EIF4G3: variants seen among roughly 807,000 people sequenced by gnomAD.
EIF4G3 encodes the protein eukaryotic translation initiation factor 4 gamma 3.
EIF4G3 carries 34 observed loss-of-function variants against 186.4 expected under a neutral mutation model. The observed-to-expected ratio is 0.18, with a 90% CI of 0.14 to 0.24. The LOEUF (loss-of-function observed/expected upper bound fraction) is 0.24. Among genes scored for constraint, EIF4G3 ranks in the 10% least tolerant of loss-of-function variants. EIF4G3 has a pLI of 1.00. For missense variants in EIF4G3, 1,536 were observed against 1,948.5 expected (o/e 0.79, Z 3.99); for synonymous variants, 673 against 679.5 (o/e 0.99, Z 0.15).
At chr1:20,899,357 G>A (rs975830052) in intron 16 of EIF4G3, among the ~76,000 whole-genome samples, 7 of 152,122 alleles carry the variant, frequency 4.6e-5, no homozygotes, top group East Asian at 1.9e-4. Flanking sequence ...ACGCCATCTC[G>A]AGGAATGTGG....
intron 2 of EIF4G3, among the ~76,000 whole-genome samples, chr1:21,167,582 A>C: frequency 6.6e-6 from 1 of 152,152 alleles, no homozygotes; most frequent in East Asian, 1.9e-4. Flanking sequence ...ATATGGTGAA[A>C]CCCTGCCTCA....
chr1:21,060,690 C>T (rs1460019084), intron 3 of EIF4G3, among the ~76,000 whole-genome samples: 4 of 151,698 alleles, frequency 2.6e-5, no homozygotes, highest in African/African-American at 9.7e-5. Flanking sequence ...GGCAAGAGGC[C>T]CAACAGTTCG....
chr1:21,121,650 C>T (rs537506057), intron 2 of EIF4G3, among the ~76,000 whole-genome samples: 1 of 152,090 alleles, frequency 6.6e-6, no homozygotes, highest in Admixed American at 6.6e-5. Context: ...TGGTGCACAC[C>T]TGTAGTCCCA....
At chr1:21,159,508 G>C (rs1477187335) in intron 2 of EIF4G3, among the ~76,000 whole-genome samples, 1 of 151,856 alleles carries the variant, frequency 6.6e-6, no homozygotes, top group Non-Finnish European at 1.5e-5. Context: ...AGGCCGAAGC[G>C]GGCTGATCAC....
chr1:21,070,485 T>C (rs1017391954), intron 3 of EIF4G3, among the ~76,000 whole-genome samples: 3 of 152,158 alleles, frequency 2.0e-5, no homozygotes, highest in Admixed American at 1.3e-4. Context: ...TATCAAAACA[T>C]TAGAGATCTT....
intron 17 of EIF4G3, 89 bp downstream of exon 17, chr1:20,895,278 TA>T: frequency 7.0e-7 from 1 of 1,419,666 alleles, no homozygotes. Flanking sequence ...TAACAATTAC[TA>T]AAAACTGCTC....
At chr1:21,129,750 A>G (rs1219374715) in intron 2 of EIF4G3, among the ~76,000 whole-genome samples, 1 of 152,092 alleles carries the variant, frequency 6.6e-6, no homozygotes, top group Non-Finnish European at 1.5e-5. Flanking sequence ...GAGGAAGAAT[A>G]TGGAAACCAT....
At chr1:20,809,437 C>G (rs936103979) in intron 36 of EIF4G3, among the ~76,000 whole-genome samples, 4 of 152,124 alleles carry the variant, frequency 2.6e-5, no homozygotes, top group African/African-American at 9.7e-5. Flanking sequence ...CTTGAGTGCT[C>G]TCTCTAATAG....
chr1:20,998,494 T>C (rs925055656), intron 6 of EIF4G3, among the ~76,000 whole-genome samples: 7 of 152,192 alleles, frequency 4.6e-5, no homozygotes, highest in African/African-American at 7.2e-5. Flanking sequence ...AGCTAAATCA[T>C]AGAGTACTTG....
chr1:21,047,669 A>G (rs985464333), intron 4 of EIF4G3, among the ~76,000 whole-genome samples: 1 of 152,082 alleles, frequency 6.6e-6, no homozygotes, highest in Admixed American at 6.5e-5. Flanking sequence ...TCATGTGTCC[A>G]CGCACATTGA....
At chr1:20,963,877 G>A (rs1206507196) in intron 12 of EIF4G3, among the ~76,000 whole-genome samples, 4 of 149,072 alleles carry the variant, frequency 2.7e-5, no homozygotes, top group Admixed American at 6.7e-5. Flanking sequence ...AGCCGAGATT[G>A]TGCCACCGCA....
intron 14 of EIF4G3, among the ~76,000 whole-genome samples, chr1:20,924,469 A>G (rs1231633689): frequency 6.6e-6 from 1 of 152,258 alleles, no homozygotes; most frequent in Non-Finnish European, 1.5e-5. Context: ...CTTGAGGAAT[A>G]TTAGAAATCA....
At chr1:21,064,799 CT>C (rs1445460913) in intron 3 of EIF4G3, 1 of 152,096 alleles carries the variant, frequency 6.6e-6, no homozygotes, top group East Asian at 1.9e-4. Context: ...AATTGCTGTC[CT>C]TGTGGTCAGA....
At chr1:20,990,658 G>C (rs978325803) in intron 7 of EIF4G3, among the ~76,000 whole-genome samples, 1 of 152,166 alleles carries the variant, frequency 6.6e-6, no homozygotes, top group Non-Finnish European at 1.5e-5. Flanking sequence ...GACAGAGCAA[G>C]ACTCCATCTC....
intron 3 of EIF4G3, among the ~76,000 whole-genome samples, chr1:21,067,121 TTTTTC>T (rs914380517): frequency 2.7e-5 from 4 of 148,288 alleles, no homozygotes; most frequent in African/African-American, 7.4e-5. Flanking sequence ...TTAAGTAATT[TTTTTC>T]TTTTCTTTTT....
chr1:20,970,470 G>A (rs1218805367), intron 11 of EIF4G3, among the ~76,000 whole-genome samples: 1 of 151,916 alleles, frequency 6.6e-6, no homozygotes, highest in African/African-American at 2.4e-5. Flanking sequence ...AAAATTAGCT[G>A]GGCGTGGTAG....
At chr1:21,074,268 C>T (rs560346520) in intron 3 of EIF4G3, among the ~76,000 whole-genome samples, 6 of 152,280 alleles carry the variant, frequency 3.9e-5, no homozygotes, top group Admixed American at 3.3e-4. Context: ...ATCCTCTGTC[C>T]ATCTCCTCAA....
intron 34 of EIF4G3, among the ~76,000 whole-genome samples, chr1:20,814,418 A>T (rs1454329355): frequency 6.6e-6 from 1 of 152,150 alleles, no homozygotes; most frequent in African/African-American, 2.4e-5. Context: ...TACTCATTCA[A>T]TTATACAGTG....
intron 2 of EIF4G3, among the ~76,000 whole-genome samples, chr1:21,168,823 C>CATTTTAAT (rs1188611767): frequency 2.0e-5 from 3 of 151,554 alleles, no homozygotes; most frequent in African/African-American, 7.3e-5. Flanking sequence ...AATGTATGAC[C>CATTTTAAT]ACTAATATTA....
Sources: gnomAD v4.1 joint callset for allele counts (sites outside exome capture counted in the v4.1 genomes callset) on GRCh38, gnomAD v4.1.1 for gene constraint, MANE v1.5 for transcripts, NCBI Gene and HGNC (gene_info 2026-07-23, HGNC 2026-07-21) for gene names.